PARD3B: variants seen among roughly 807,000 people sequenced by gnomAD.
PARD3B encodes the protein partitioning defective 3 homolog B.
A neutral mutation model predicts 130.2 loss-of-function variants in PARD3B; 103 were observed. The observed-to-expected ratio is 0.79, with a 90% confidence interval of 0.67 to 0.93. The LOEUF is 0.93. PARD3B is among the 40% of genes least tolerant of loss of function. PARD3B has a pLI of 0.00. For synonymous variants in PARD3B, 583 were observed against 553.2 expected, an observed-to-expected ratio of 1.05 and a Z score of -0.76; for missense variants, 1,609 against 1,499.2, an observed-to-expected ratio of 1.07 and a Z score of -1.21.
chr2:205,037,555 T>C (rs2125385712), intron 3 of PARD3B, among the ~76,000 whole-genome samples: 1 of 148,178 alleles, frequency 6.7e-6, no homozygotes, highest in African/African-American at 2.4e-5. Flanking sequence ...ATGTAAAATA[T>C]ATACAGTGGA....
chr2:204,548,391 C>A (rs1241867541), intron 1 of PARD3B, among the ~76,000 whole-genome samples: 2 of 152,110 alleles, frequency 1.3e-5, no homozygotes, highest in African/African-American at 4.8e-5. Flanking sequence ...ATGCTTATGA[C>A]TTATTTCTCC....
intron 18 of PARD3B, among the ~76,000 whole-genome samples, chr2:205,358,620 C>T (rs1178545270): frequency 6.6e-6 from 1 of 152,106 alleles, no homozygotes; most frequent in African/African-American, 2.4e-5. Context: ...TTTTATTGTC[C>T]TCTGCATTTT....
intron 2 of PARD3B, among the ~76,000 whole-genome samples, chr2:204,780,025 A>G (rs1044701597): frequency 6.6e-6 from 1 of 152,186 alleles, no homozygotes; most frequent in Non-Finnish European, 1.5e-5. Context: ...GTTATTTGGC[A>G]AGCAGAGAAT....
At chr2:205,565,065 C>T (rs1471316643) in intron 22 of PARD3B, among the ~76,000 whole-genome samples, 1 of 152,210 alleles carries the variant, frequency 6.6e-6, no homozygotes, top group Non-Finnish European at 1.5e-5. Flanking sequence ...ACCCTTTCAA[C>T]TTGGTCATTG....
intron 20 of PARD3B, among the ~76,000 whole-genome samples, chr2:205,487,172 T>C (rs934393297): frequency 4.6e-5 from 7 of 152,292 alleles, no homozygotes; most frequent in Admixed American, 3.3e-4. Context: ...AAGGACTCGT[T>C]CACTTGTCAC....
intron 2 of PARD3B, among the ~76,000 whole-genome samples, chr2:204,905,758 C>T (rs946134418): frequency 6.6e-6 from 1 of 152,068 alleles, no homozygotes; most frequent in Non-Finnish European, 1.5e-5. Flanking sequence ...AGGCAGCTGC[C>T]CTCTCCTTCC....
At chr2:205,092,629 G>C (rs1702177857) in intron 4 of PARD3B, among the ~76,000 whole-genome samples, 1 of 152,000 alleles carries the variant, frequency 6.6e-6, no homozygotes, top group African/African-American at 2.4e-5. Flanking sequence ...TAAGTCTAAA[G>C]AAAAGAGATA....
chr2:205,320,277 GA>G (rs2042708656), intron 18 of PARD3B, among the ~76,000 whole-genome samples: 1 of 150,938 alleles, frequency 6.6e-6, no homozygotes, highest in South Asian at 2.1e-4. Context: ...GGAAGGAAGG[GA>G]GACTCAAATA....
At chr2:205,396,434 A>G (rs1431390668) in intron 18 of PARD3B, among the ~76,000 whole-genome samples, 5 of 152,204 alleles carry the variant, frequency 3.3e-5, no homozygotes, top group Non-Finnish European at 5.9e-5. Flanking sequence ...GCGAGTAAGG[A>G]AAGAAGAAAG....
At position 205,399,467 on chromosome 2, in the gene PARD3B, G is replaced by C. The variant is rs536101636; in HGVS notation, c.2631-1546G>C. On this transcript the variant is annotated intron_variant, in intron 18 of 22. Transcript: ENST00000406610. Reference sequence around the variant, plus strand: ...CCTCCTGTGTTCAAGTGATTCTCCTGCCTCAGCCTTCTGAGTAACTGGGAC... The same window carrying C: ...CCTCCTGTGTTCAAGTGATTCTCCTCCCTCAGCCTTCTGAGTAACTGGGAC... 4.0e-5 allele frequency among the ~76,000 whole-genome samples: 6 copies of C among 151,508 alleles called. No individual in the cohort carries two copies. In the East Asian group the frequency reaches 1.2e-3, roughly 30 times the overall value.
chr2:205,071,339 C>A (rs1415098277), intron 4 of PARD3B, among the ~76,000 whole-genome samples: 2 of 152,154 alleles, frequency 1.3e-5, no homozygotes, highest in Non-Finnish European at 2.9e-5. Flanking sequence ...CGCCAAAGAT[C>A]TGTAGAGAAT....
intron 2 of PARD3B, among the ~76,000 whole-genome samples, chr2:204,800,013 G>A (rs1075041): frequency 0.24 from 36,031 of 152,080 alleles, 7,270 homozygotes; most frequent in African/African-American, 0.55. Flanking sequence ...CTACAAAAAC[G>A]TGATCTCACC....
rs79783530 is a variant in PARD3B at position 204,960,817 on chromosome 2, G to C, written c.223-4335G>C. On this transcript the variant is annotated intron_variant, in intron 2 of 22. Transcript: ENST00000406610. The stretch of plus-strand genomic sequence containing the variant: ...ATAAAATAAGAAGAGCTGTGATGCT[G>C]ACAGGATGATACACATGGTATAAAA... 7.2e-3 allele frequency among the ~76,000 whole-genome samples: 1,096 copies of C among 152,248 alleles called. 18 individuals carry two copies. The highest frequency in any genetic ancestry group is 0.025 in the African/African-American group (1,026 of 41,522).
chr2:205,071,991 T>C (rs1004509376), intron 4 of PARD3B, among the ~76,000 whole-genome samples: 4 of 152,220 alleles, frequency 2.6e-5, no homozygotes, highest in African/African-American at 9.6e-5. Flanking sequence ...ATTAGCTTTT[T>C]TTTAAAAGCT....
chr2:204,621,028 A>G (rs1360204857), intron 1 of PARD3B, among the ~76,000 whole-genome samples: 1 of 152,234 alleles, frequency 6.6e-6, no homozygotes, highest in African/African-American at 2.4e-5. Flanking sequence ...GGACATCAAA[A>G]TAAGAGGAAT....
At chr2:204,595,098 T>C (rs150293022) in intron 1 of PARD3B, among the ~76,000 whole-genome samples, 1 of 152,324 alleles carries the variant, frequency 6.6e-6, no homozygotes, top group East Asian at 1.9e-4. Context: ...GTTCAGAATA[T>C]CCTGTTTGAC....
intron 3 of PARD3B, among the ~76,000 whole-genome samples, chr2:205,008,449 G>GA (rs1189711875): frequency 6.6e-6 from 1 of 151,772 alleles, no homozygotes; most frequent in East Asian, 1.9e-4. Context: ...CCTTTAAATG[G>GA]AAAAAAATGT....
At chr2:204,761,570 G>A (rs1311091941) in intron 2 of PARD3B, among the ~76,000 whole-genome samples, 1 of 149,184 alleles carries the variant, frequency 6.7e-6, no homozygotes, top group Non-Finnish European at 1.5e-5. Context: ...TTTAAATAAG[G>A]GGAGCTTGCA....
At chr2:205,608,175 G>A (rs2055086221) in intron 22 of PARD3B, among the ~76,000 whole-genome samples, 1 of 152,164 alleles carries the variant, frequency 6.6e-6, no homozygotes, top group Non-Finnish European at 1.5e-5. Flanking sequence ...CTGTCTCCAG[G>A]TAGCACCTTG....
Sources: allele counts gnomAD v4.1 joint callset (sites outside exome capture counted in the v4.1 genomes callset), GRCh38; gene constraint gnomAD v4.1.1; transcripts MANE v1.5; gene names NCBI Gene and HGNC (gene_info 2026-07-23, HGNC 2026-07-21).